CASP2: variants seen among roughly 807,000 people sequenced by gnomAD.
CASP2 encodes the protein caspase-2.
In CASP2, 38 loss-of-function variants were observed where a neutral mutation model predicts 54.4. The observed-to-expected ratio is 0.70, with a 90% CI of 0.54 to 0.92. The LOEUF is 0.92. CASP2 is among the 40% of genes least tolerant of loss of function. The pLI is 0.00. For synonymous variants in CASP2, 215 were observed against 216.3 expected (o/e 0.99, Z 0.05); for missense variants, 512 against 579.6 (o/e 0.88, Z 1.20).
rs1364234693 is a variant in CASP2 at position 143,305,248 on chromosome 7, C to T, written c.*177C>T. 1.3e-6 allele frequency: 1 copy of T among 795,160 alleles called. No homozygotes were observed. Among genetic ancestry groups the T allele is most frequent in the Non-Finnish European group, 2.1e-6 (1 of 479,386 alleles). 49.3% of individuals were successfully genotyped at this position (795,160 alleles called of 1,614,324 possible). ...CTTTGAGTGTGGGACTCCAGGCCAG[C>T]TCCTTTTCTGTGAAGCCCTTTGCCT... On this transcript the variant is annotated 3_prime_UTR_variant, in exon 11 of 11. Transcript: ENST00000310447.
chr7:143,294,841 C>T (rs1801694958), intron 6 of CASP2, 68 bp downstream of exon 6: 14 of 1,371,040 alleles, frequency 1.0e-5, no homozygotes, highest in Admixed American at 3.8e-5. Flanking sequence ...CCAGAGACAT[C>T]GTTTGTTCCT....
intron 1 of CASP2, among the ~76,000 whole-genome samples, chr7:143,291,114 A>C (rs993100632): frequency 6.6e-6 from 1 of 152,232 alleles, no homozygotes; most frequent in African/African-American, 2.4e-5. Context: ...TTTTTACCAT[A>C]GTGTTTTAAC....
rs1375684979 is a variant in CASP2 at position 143,300,663 on chromosome 7, G to T, written c.967+369G>T. ...CGGATTTTTGATCTGTCTTTTTCCT[G>T]TCCTTCTTATTTTATCTCCTTTCTT... On this transcript the variant is annotated intron_variant, in intron 8 of 10. Coordinates refer to ENST00000310447, the MANE Select transcript of CASP2 (RefSeq NM_032982.4). 3 of 1,242,302 alleles carry T rather than the reference G, an allele frequency of 2.4e-6. No individual in the cohort carries two copies. In the East Asian group the frequency reaches 1.5e-4, roughly 60 times the overall value. The allele number at this position is 1,242,302 out of a possible 1,614,324, so 77.0% of individuals were successfully genotyped here.
chr7:143,300,181 TCTTC>T lies in CASP2; in HGVS notation c.877-18_877-15del, dbSNP rs1186689190. 5 of 1,613,684 alleles carry T rather than the reference TCTTC, an allele frequency of 3.1e-6. No homozygotes were observed. The highest frequency in any genetic ancestry group is 3.3e-5 in the Admixed American group (2 of 60,010). Reference sequence around the variant, plus strand: ...GCCCCGCTGAATGCTTAACCTCTCTTCTTCCTTCTTTCTTTCTGGCAGCTCCAAG... The same window carrying T: ...GCCCCGCTGAATGCTTAACCTCTCTTCTTCTTTCTTTCTGGCAGCTCCAAG... On this transcript the variant is annotated intron_variant, in intron 7 of 10. Coordinates refer to ENST00000310447, the MANE Select transcript of CASP2 (RefSeq NM_032982.4).
chr7:143,290,754 T>C (rs1479436124), intron 1 of CASP2: 2 of 152,458 alleles, frequency 1.3e-5, no homozygotes, highest in Admixed American at 6.5e-5. Context: ...AGTGTGGTGA[T>C]GTCCTGGGAG....
chr7:143,292,229 A>C, intron 2 of CASP2, 71 bp from the exon 3 acceptor site: 3 of 1,492,588 alleles, frequency 2.0e-6, no homozygotes, highest in Middle Eastern at 1.9e-4. Context: ...ACTACTAGGA[A>C]GCTCATGTGG....
intron 1 of CASP2, chr7:143,289,504 T>G (rs1040518560): frequency 3.5e-6 from 1 of 284,130 alleles, no homozygotes; most frequent in Non-Finnish European, 5.3e-6. Context: ...ATATCAATAT[T>G]AAGGGCAGGC....
In CASP2 at chr7:143,307,603, A is replaced by G. The variant is rs893845020; in HGVS notation, c.*2532A>G. On this transcript the variant is annotated 3_prime_UTR_variant, in exon 11 of 11. Coordinates refer to ENST00000310447, the MANE Select transcript of CASP2 (RefSeq NM_032982.4). ...AGTCCTGCCTTTGGGTCGACATAGT[A>G]TGGAAGTATTTGAGAGAGAGAACCT... The G allele has an allele frequency of 4.6e-5, 7 of 152,148 alleles. No individual in the cohort carries two copies. The highest frequency in any genetic ancestry group is 8.8e-5 in the Non-Finnish European group (6 of 68,040). The allele number at this position is 152,148 out of a possible 1,614,324, so 9.4% of individuals were successfully genotyped here.
rs759124235 is a variant in CASP2 at position 143,295,028 on chromosome 7, C to CT, written c.747+271dup. Among the ~76,000 whole-genome samples, 315 of 142,420 alleles carry CT rather than the reference C, an allele frequency of 2.2e-3. 1 individual carries two copies. Among genetic ancestry groups the CT allele is most frequent in the African/African-American group, 2.2e-3 (86 of 38,796 alleles). The allele number at this position is 142,420 out of a possible 152,430, so 93.4% of individuals were successfully genotyped here. On this transcript the variant is annotated intron_variant, in intron 6 of 10. Transcript: ENST00000310447. Reference sequence around the variant, plus strand: ...ATAATAGTCCACAGTTGGTGTCTCACTTTTTTTTTTTTTTTTAAAGACAGA... The same window carrying CT: ...ATAATAGTCCACAGTTGGTGTCTCACTTTTTTTTTTTTTTTTTAAAGACAGA...
intron 8 of CASP2, chr7:143,302,196 T>C (rs886410674): frequency 1.3e-5 from 2 of 152,224 alleles, no homozygotes; most frequent in African/African-American, 4.8e-5. Flanking sequence ...GGAATTCTCC[T>C]TTCTCTTTAG....
intron 10 of CASP2, 71 bp downstream of exon 10, chr7:143,304,854 T>A: frequency 6.2e-7 from 1 of 1,609,258 alleles, no homozygotes; most frequent in African/African-American, 1.3e-5. Flanking sequence ...TTGAATGCTC[T>A]TTCATAGTCC....
chr7:143,300,415 A>G (rs748774523), intron 8 of CASP2, 121 bp downstream of exon 8: 1 of 1,598,318 alleles, frequency 6.3e-7, no homozygotes, highest in Non-Finnish European at 8.5e-7. Context: ...CCTTCTGTTC[A>G]CTGCTGCCAC....
At chr7:143,294,083 G>A in intron 4 of CASP2, 147 bp from the exon 5 acceptor site, 1 of 664,282 alleles carries the variant, frequency 1.5e-6, no homozygotes, top group Admixed American at 2.2e-5. Flanking sequence ...AAGAGTCTCT[G>A]CCCTCATGAA....
Position 143,294,686 on chromosome 7 carries a change from T to C in CASP2, c.660T>C (p.Ser220=). Reference sequence around the variant, plus strand: ...GAGAGAAAGAACTGGAATTTCGCTCTGGAGGGGATGTGGACCACAGTACTC... The same window carrying C: ...GAGAGAAAGAACTGGAATTTCGCTCCGGAGGGGATGTGGACCACAGTACTC... The part of the protein sequence containing the change: ...FTGEKELEFR[S]GGDVDHSTLV... The change falls in exon 6 of 11, where the codon TCT becomes TCC. Residue 220 remains serine (S), a synonymous_variant. Transcript: ENST00000310447. 1 of 1,614,200 alleles carries C rather than the reference T, an allele frequency of 6.2e-7. No homozygotes were observed. Among genetic ancestry groups the C allele is most frequent in the Non-Finnish European group, 8.5e-7 (1 of 1,180,016 alleles).
chr7:143,301,803 G>T (rs1801923710), intron 8 of CASP2: 1 of 152,170 alleles, frequency 6.6e-6, no homozygotes, highest in Admixed American at 6.5e-5. Flanking sequence ...GATGTGGCTG[G>T]TCACAATGAA....
At chr7:143,297,318 G>C (rs968961069) in intron 6 of CASP2, among the ~76,000 whole-genome samples, 1 of 152,124 alleles carries the variant, frequency 6.6e-6, no homozygotes, top group Non-Finnish European at 1.5e-5. Flanking sequence ...TTATTGAATG[G>C]TTTAGTCTTA....
In CASP2 at chr7:143,306,587, A is replaced by C. The variant is rs1802072527; in HGVS notation, c.*1516A>C. The C allele has an allele frequency of 6.6e-6, 1 of 151,586 alleles. No individual in the cohort carries two copies. Among genetic ancestry groups the C allele is most frequent in the Non-Finnish European group, 1.5e-5 (1 of 67,914 alleles). 9.4% of individuals were successfully genotyped at this position (151,586 alleles called of 1,614,324 possible). A position where few individuals can be genotyped will look rare whatever the true frequency, so the allele number is the denominator to read the frequency against. Reference sequence around the variant, plus strand: ...CTTTTTTTAAAAAAAAAAAAAAAAAAACTTCCATTCTTTCTTCCTCCAGTC... The same window carrying C: ...CTTTTTTTAAAAAAAAAAAAAAAAACACTTCCATTCTTTCTTCCTCCAGTC... On this transcript the variant is annotated 3_prime_UTR_variant, in exon 11 of 11. Coordinates refer to ENST00000310447, the MANE Select transcript of CASP2 (RefSeq NM_032982.4).
intron 1 of CASP2, chr7:143,289,525 C>T (rs1343872223): frequency 1.8e-6 from 1 of 562,596 alleles, no homozygotes; most frequent in Non-Finnish European, 2.3e-6. Context: ...CAAAGGCCCT[C>T]TAAAGAAAAC....
At position 143,299,968 on chromosome 7, in the gene CASP2, C is replaced by G. The variant is rs150852779; in HGVS notation, c.793C>G (p.Arg265Gly). 439 of 1,614,124 alleles carry G rather than the reference C, an allele frequency of 2.7e-4. 1 individual carries two copies. Among genetic ancestry groups the G allele is most frequent in the African/African-American group, 2.4e-3 (177 of 75,026 alleles). The change falls in exon 7 of 11, where the codon CGA (arginine) becomes GGA (glycine). Residue 265 changes from arginine to glycine, a missense_variant. Coordinates refer to ENST00000310447, the MANE Select transcript of CASP2 (RefSeq NM_032982.4). ...GAATTTTGCACAGTTACCTGCACAC[C>G]GAGTCACGGACTCCTGCATCGTGGC... ...LQNFAQLPAHRVTDSCIVALL... is the reference protein window; with the variant it reads ...LQNFAQLPAHGVTDSCIVALL...
Sources: gnomAD v4.1 joint callset for allele counts (sites outside exome capture counted in the v4.1 genomes callset) on GRCh38, gnomAD v4.1.1 for gene constraint, MANE v1.5 for transcripts, NCBI Gene and HGNC (gene_info 2026-07-23, HGNC 2026-07-21) for gene names.